The following POLN variants were observed in gnomAD, a reference collection of about 807,000 sequenced individuals.
The protein encoded by POLN is DNA polymerase nu.
In POLN, 108 loss-of-function variants were observed where a neutral mutation model predicts 113.5. That is an observed-to-expected ratio of 0.95 (90% CI 0.81 to 1.12). The LOEUF (loss-of-function observed/expected upper bound fraction) is 1.12, where lower values mean the gene tolerates loss of function less well. Ranked by LOEUF, POLN falls within the 50% of genes most tolerant of loss-of-function variation. The probability of loss-of-function intolerance (pLI) is 0.00; values close to 1 mark genes in which losing one functional copy is unlikely to be tolerated. For synonymous variants in POLN, 386 were observed against 391.5 expected (o/e 0.99, Z 0.17); for missense variants, 1,097 against 1,077.1 (o/e 1.02, Z -0.26).
At chr4:2,107,459 T>C (rs17132233) in intron 19 of POLN, among the ~76,000 whole-genome samples, 16,985 of 152,198 alleles carry the variant, frequency 0.11, 3,196 homozygotes, top group African/African-American at 0.39. Context: ...CGGGTAAATA[T>C]TGTCAGCCAT....
At chr4:2,083,783 G>A (rs539072659) in intron 21 of POLN, among the ~76,000 whole-genome samples, 70 of 152,372 alleles carry the variant, frequency 4.6e-4, no homozygotes, top group African/African-American at 1.5e-3. Flanking sequence ...CAGCTCAACC[G>A]GCTGTGGCCC....
chr4:2,107,974 C>T (rs548919053), intron 19 of POLN, among the ~76,000 whole-genome samples: 7 of 152,316 alleles, frequency 4.6e-5, no homozygotes, highest in Admixed American at 2.0e-4. Context: ...GACACCTTTG[C>T]GATGCTCTTC....
intron 20 of POLN, among the ~76,000 whole-genome samples, chr4:2,087,349 C>G (rs544338720): frequency 2.9e-4 from 44 of 152,358 alleles, no homozygotes; most frequent in African/African-American, 1.1e-3. Flanking sequence ...CCATCCTCAC[C>G]TAGTGCCTCA....
intron 24 of POLN, among the ~76,000 whole-genome samples, chr4:2,073,828 T>A (rs1730210593): frequency 6.6e-6 from 1 of 152,242 alleles, no homozygotes; most frequent in East Asian, 1.9e-4. Flanking sequence ...CCTGGGGACC[T>A]GTCCCTGGTG....
intron 7 of POLN, among the ~76,000 whole-genome samples, chr4:2,191,067 T>G (rs915670825): frequency 9.9e-5 from 15 of 152,226 alleles, no homozygotes; most frequent in Non-Finnish European, 2.2e-4. Flanking sequence ...TGCATTCCCA[T>G]GTTACTGCAG....
At chr4:2,215,604 G>C (rs910372527) in intron 3 of POLN, among the ~76,000 whole-genome samples, 2 of 152,186 alleles carry the variant, frequency 1.3e-5, no homozygotes, top group African/African-American at 4.8e-5. Flanking sequence ...GGGCAAAGAA[G>C]TTCTTTGCAG....
chr4:2,232,292 C>A, intron 2 of POLN: 1 of 492,184 alleles, frequency 2.0e-6, no homozygotes, highest in South Asian at 3.6e-5. Context: ...ATAAATAAAC[C>A]TCGATTTAAA....
chr4:2,232,092 A>C (rs1307973073), intron 2 of POLN: 1 of 1,604,440 alleles, frequency 6.2e-7, no homozygotes. Flanking sequence ...CATCAGCAAG[A>C]ATATCAGTGA....
At chr4:2,166,589 C>T (rs149733721) in intron 13 of POLN, among the ~76,000 whole-genome samples, 82 of 152,222 alleles carry the variant, frequency 5.4e-4, no homozygotes, top group Non-Finnish European at 1.0e-3. Flanking sequence ...GGAAGACCTG[C>T]GTCAATGTGG....
intron 3 of POLN, among the ~76,000 whole-genome samples, chr4:2,222,350 C>T (rs980682102): frequency 1.3e-5 from 2 of 151,954 alleles, no homozygotes; most frequent in African/African-American, 4.8e-5. Context: ...CGAGACCAGA[C>T]TGGGCAGCAT....
rs772156393 is a variant in POLN at position 2,174,718 on chromosome 4, C to G, written c.1282G>C (p.Glu428Gln). The part of the protein sequence containing the change: ...YGLWQLFRTL[E>Q]LPLIPILAVM... ...GCCAAAATTGGTATCAGAGGAAGCT[C>G]CAAAGTACGAAATAGTTGCCATAAA... The change falls in exon 10 of 26, where the codon GAG becomes CAG. Residue 428 changes from glutamate to glutamine, a missense_variant. Coordinates refer to ENST00000511885, the MANE Select transcript of POLN (RefSeq NM_181808.4). The G allele has an allele frequency of 6.2e-7, 1 of 1,610,092 alleles. No individual in the cohort carries two copies. Among genetic ancestry groups the G allele is most frequent in the Admixed American group, 1.7e-5 (1 of 59,972 alleles).
At position 2,156,864 on chromosome 4, in the gene POLN, T is replaced by C; in HGVS notation, c.1666-11A>G. The C allele has an allele frequency of 1.2e-6, 2 of 1,604,000 alleles. No individual in the cohort carries two copies. Among genetic ancestry groups the C allele is most frequent in the Non-Finnish European group, 1.7e-6 (2 of 1,170,834 alleles). ...AGAGGAAATGGAGCCCTTTATTAGT[T>C]AAAAAGAATCAGTGTAAACTCCAGC... On this transcript the variant is annotated splice_polypyrimidine_tract_variant and intron_variant, in intron 15 of 25. Coordinates refer to ENST00000511885, the MANE Select transcript of POLN (RefSeq NM_181808.4).
chr4:2,214,478 G>A (rs551426874), intron 3 of POLN, among the ~76,000 whole-genome samples: 1 of 152,220 alleles, frequency 6.6e-6, no homozygotes, highest in South Asian at 2.1e-4. Flanking sequence ...TATACAACAA[G>A]TTCTCATACA....
chr4:2,131,346 C>A, intron 16 of POLN, 56 bp from the exon 17 acceptor site: 1 of 1,184,968 alleles, frequency 8.4e-7, no homozygotes, highest in South Asian at 1.3e-5. Flanking sequence ...ATCTGTACTA[C>A]TTAGGGTATT....
chr4:2,196,482 G>A (rs906560568), intron 6 of POLN, among the ~76,000 whole-genome samples: 80 of 152,218 alleles, frequency 5.3e-4, no homozygotes, highest in African/African-American at 1.8e-3. Flanking sequence ...GCTGAGGAAC[G>A]CTCCAGATTA....
chr4:2,115,229 T>TA (rs1553895279), intron 19 of POLN, among the ~76,000 whole-genome samples: 4,593 of 30,628 alleles, frequency 0.15, 126 homozygotes, highest in African/African-American at 0.23. Context: ...TATATATATA[T>TA]TTTTTTTTTT....
intron 19 of POLN, among the ~76,000 whole-genome samples, chr4:2,111,696 C>A (rs1731198143): frequency 1.3e-5 from 2 of 152,064 alleles, no homozygotes; most frequent in African/African-American, 4.8e-5. Context: ...ATGTGAAGGA[C>A]CTCTTCAAGG....
intron 16 of POLN, chr4:2,156,553 A>G (rs977130216): frequency 1.9e-5 from 12 of 623,256 alleles, no homozygotes; most frequent in Admixed American, 7.0e-5. Context: ...ACTGGAGTGC[A>G]TGGGTTTCTG....
chr4:2,174,845 CAG>C (rs1468736641), intron 9 of POLN, 94 bp from the exon 10 acceptor site: 3 of 849,928 alleles, frequency 3.5e-6, no homozygotes, highest in Admixed American at 2.5e-5. Flanking sequence ...TTTTTTGAGA[CAG>C]AGTCTTGCTC....
Sources: gnomAD v4.1 joint callset for allele counts (sites outside exome capture counted in the v4.1 genomes callset) on GRCh38, gnomAD v4.1.1 for gene constraint, MANE v1.5 for transcripts, NCBI Gene and HGNC (gene_info 2026-07-23, HGNC 2026-07-21) for gene names.